The following ESRRB variants were observed in gnomAD, a reference collection of about 807,000 sequenced individuals.
The protein encoded by ESRRB is estrogen related receptor beta, also known as steroid hormone receptor ERR2.
A neutral mutation model predicts 46.0 loss-of-function variants in ESRRB; 16 were observed. That is an observed-to-expected ratio of 0.35 (90% CI 0.24 to 0.53). The LOEUF is 0.53. ESRRB is among the 20% of genes least tolerant of loss of function. The pLI is 0.93. For missense variants in ESRRB, 488 were observed against 607.4 expected (o/e 0.80, Z 2.07); for synonymous variants, 246 against 259.6 (o/e 0.95, Z 0.50).
In ESRRB at chr14:76,482,936, G is replaced by A. The variant is rs1293317550; in HGVS notation, c.850+177G>A. ...CTCCTTGTAGCATTGGAGAGGAACA[G>A]GTAGTTAGAAGACCCAGTGAGGCTT... On this transcript the variant is annotated intron_variant, in intron 5 of 6. Coordinates refer to ENST00000644823, the MANE Select transcript of ESRRB (RefSeq NM_001379180.1). The surrounding 1 kb of genome is among the most constrained non-coding windows in gnomAD (Gnocchi z 4.3). Among the ~76,000 whole-genome samples the A allele has an allele frequency of 6.6e-6, 1 of 152,234 alleles. No individual in the cohort carries two copies. The highest frequency in any genetic ancestry group is 1.5e-5 in the Non-Finnish European group (1 of 68,046).
intron 1 of ESRRB, among the ~76,000 whole-genome samples, chr14:76,327,635 A>G (rs745568294): frequency 6.6e-6 from 1 of 152,116 alleles, no homozygotes; most frequent in East Asian, 1.9e-4. Flanking sequence ...TGAGTAGCCT[A>G]TGGCTTACGG....
chr14:76,435,239 C>G (rs1333331317), intron 1 of ESRRB, among the ~76,000 whole-genome samples: 1 of 152,186 alleles, frequency 6.6e-6, no homozygotes, highest in East Asian at 1.9e-4. Context: ...GAAGCTGTGG[C>G]CCTCTGGGGG....
At chr14:76,448,782 G>C (rs1016593279) in intron 2 of ESRRB, among the ~76,000 whole-genome samples, 3 of 152,128 alleles carry the variant, frequency 2.0e-5, no homozygotes, top group Admixed American at 2.0e-4. Context: ...AGTTGGGCCA[G>C]TTTGCATATG....
At chr14:76,411,020 G>T (rs1050030875) in intron 1 of ESRRB, among the ~76,000 whole-genome samples, 4 of 151,742 alleles carry the variant, frequency 2.6e-5, no homozygotes, top group African/African-American at 9.7e-5. Context: ...CTGATCTCAG[G>T]TGATCTGCCT....
At chr14:76,485,886 G>GCACATATTGAGAAGTCACTA (rs1889999188) in intron 5 of ESRRB, among the ~76,000 whole-genome samples, 2 of 152,172 alleles carry the variant, frequency 1.3e-5, no homozygotes, top group Admixed American at 6.5e-5. Context: ...AGCTTTGCAT[G>GCACATATTGAGAAGTCACTA]CACATATTGA....
At chr14:76,460,709 A>ATTTGTTTTT (rs759120050) in intron 2 of ESRRB, among the ~76,000 whole-genome samples, 1 of 141,564 alleles carries the variant, frequency 7.1e-6, no homozygotes, top group African/African-American at 2.9e-5. Flanking sequence ...TTCCAGTTAC[A>ATTTGTTTTT]TTTTTTTTTG....
At chr14:76,467,500 C>CAA (rs397709875) in intron 3 of ESRRB, among the ~76,000 whole-genome samples, 7,961 of 91,468 alleles carry the variant, frequency 0.087, 360 homozygotes, top group Non-Finnish European at 0.11. Flanking sequence ...GCCTCTGTCT[C>CAA]AAAAAAAAAA....
intron 1 of ESRRB, among the ~76,000 whole-genome samples, chr14:76,365,667 TG>T (rs1248862840): frequency 6.6e-6 from 1 of 152,174 alleles, no homozygotes; most frequent in Non-Finnish European, 1.5e-5. Context: ...AACTTCCAGG[TG>T]GAATGCAATT....
chr14:76,404,196 G>C (rs868315136), intron 1 of ESRRB, among the ~76,000 whole-genome samples: 1 of 152,048 alleles, frequency 6.6e-6, no homozygotes, highest in Non-Finnish European at 1.5e-5. Flanking sequence ...GTGTGTGCGC[G>C]CGTGCGTGTG....
Position 76,498,765 on chromosome 14 carries a change from C to G in ESRRB, c.*307C>G, listed in dbSNP as rs1335877372. 1 of 759,460 alleles carries G rather than the reference C, an allele frequency of 1.3e-6. No individual in the cohort carries two copies. Among genetic ancestry groups the G allele is most frequent in the African/African-American group, 1.7e-5 (1 of 57,674 alleles). 47.0% of individuals were successfully genotyped at this position (759,460 alleles called of 1,614,324 possible). On this transcript the variant is annotated 3_prime_UTR_variant, in exon 7 of 7. Coordinates refer to ENST00000644823, the MANE Select transcript of ESRRB (RefSeq NM_001379180.1). ...TGACTCCCTTCAGGAGTGGAGGCCA[C>G]TGGAGCAAGTGCCCTCTCCCCTCCA...
intron 1 of ESRRB, among the ~76,000 whole-genome samples, chr14:76,361,262 T>G (rs1289890234): frequency 1.3e-5 from 2 of 152,192 alleles, no homozygotes; most frequent in South Asian, 4.1e-4. Flanking sequence ...GGACTGTTGA[T>G]GCCATTCAAG....
chr14:76,351,105 C>T (rs1884308540), intron 1 of ESRRB, among the ~76,000 whole-genome samples: 1 of 152,164 alleles, frequency 6.6e-6, no homozygotes, highest in African/African-American at 2.4e-5. Context: ...TCAGTATTCC[C>T]CCAACCCTGG....
intron 1 of ESRRB, among the ~76,000 whole-genome samples, chr14:76,401,851 A>G (rs56187035): frequency 0.14 from 21,870 of 152,238 alleles, 1,975 homozygotes; most frequent in Non-Finnish European, 0.2. Context: ...ATTTATGTAT[A>G]TAAAGAGATT....
chr14:76,361,231 G>A (rs144926326), intron 1 of ESRRB, among the ~76,000 whole-genome samples: 174 of 152,298 alleles, frequency 1.1e-3, no homozygotes, highest in African/African-American at 2.8e-3. Flanking sequence ...TGGGGTCTAC[G>A]ACTCATGTGC....
At chr14:76,395,780 G>A (rs1885651904) in intron 1 of ESRRB, among the ~76,000 whole-genome samples, 1 of 145,134 alleles carries the variant, frequency 6.9e-6, no homozygotes, top group Non-Finnish European at 1.5e-5. Flanking sequence ...TTAATTAGGA[G>A]TTATTATATA....
chr14:76,495,951 G>T (rs1400421368), intron 6 of ESRRB, among the ~76,000 whole-genome samples: 1 of 152,202 alleles, frequency 6.6e-6, no homozygotes, highest in Non-Finnish European at 1.5e-5. Context: ...CTTTGAGCAG[G>T]CTGGGTTTAA....
At chr14:76,369,613 G>GT (rs1884572827), upstream of ESRRB, among the ~76,000 whole-genome samples, 11 of 151,958 alleles carry the variant, frequency 7.2e-5, no homozygotes, top group East Asian at 1.4e-3. Context: ...AGCATTTGCT[G>GT]GTTTTTTTTC....
chr14:76,428,218 G>A (rs1279118463), intron 1 of ESRRB, among the ~76,000 whole-genome samples: 3 of 152,016 alleles, frequency 2.0e-5, no homozygotes, highest in South Asian at 2.1e-4. Context: ...GGCTGGTCTC[G>A]AACTCCCGAC....
rs548959775 is a variant in ESRRB at position 76,485,847 on chromosome 14, C to T, written c.850+3088C>T. ...GCCAGTGTCCTTAAACGCAAGGTAC[C>T]GCATCTCACGAGAGGGCATTGCACA... is the stretch of plus-strand genomic sequence containing the variant. On this transcript the variant is annotated intron_variant, in intron 5 of 6. Transcript: ENST00000644823. 1.1e-4 allele frequency among the ~76,000 whole-genome samples: 16 copies of T among 152,228 alleles called. No individual in the cohort carries two copies. In the South Asian group the frequency reaches 3.3e-3, roughly 32 times the overall value.
Sources: allele counts gnomAD v4.1 joint callset (sites outside exome capture counted in the v4.1 genomes callset), GRCh38; gene constraint gnomAD v4.1.1; non-coding constraint Gnocchi (gnomAD v3.1); transcripts MANE v1.5; gene names NCBI Gene and HGNC (gene_info 2026-07-23, HGNC 2026-07-21).